The following DENND1B variants were observed in gnomAD, a reference collection of about 807,000 sequenced individuals.
DENND1B encodes DENN domain-containing protein 1B.
In DENND1B, 59 loss-of-function variants were observed where a neutral mutation model predicts 90.1. That is an observed-to-expected ratio of 0.65 (90% confidence interval 0.53 to 0.81). The LOEUF is 0.81. DENND1B is among the 40% of genes least tolerant of loss of function. DENND1B has a pLI of 0.00. For synonymous variants in DENND1B, 337 were observed against 324.6 expected, an observed-to-expected ratio of 1.04 and a Z score of -0.41; for missense variants, 862 against 912.6, an observed-to-expected ratio of 0.94 and a Z score of 0.71.
chr1:197,544,804 A>AGAAGAAGAGGAG (rs1670608218), intron 18 of DENND1B, among the ~76,000 whole-genome samples: 3 of 128,246 alleles, frequency 2.3e-5, no homozygotes, highest in Admixed American at 1.6e-4. Flanking sequence ...AGGAGGAAGA[A>AGAAGAAGAGGAG]GAAGAAGAGG....
chr1:197,661,204 A>G (rs1654373174), intron 5 of DENND1B, among the ~76,000 whole-genome samples: 1 of 152,124 alleles, frequency 6.6e-6, no homozygotes, highest in Non-Finnish European at 1.5e-5. Flanking sequence ...TACTATGTGT[A>G]TCTTCCACTT....
At chr1:197,578,234 T>G (rs561045549) in intron 15 of DENND1B, among the ~76,000 whole-genome samples, 16 of 151,708 alleles carry the variant, frequency 1.1e-4, no homozygotes, top group East Asian at 1.9e-4. Flanking sequence ...GGTTTTTGTT[T>G]TTGTTGTTGT....
chr1:197,544,156 T>C (rs1359447431), intron 18 of DENND1B, among the ~76,000 whole-genome samples: 3 of 152,212 alleles, frequency 2.0e-5, no homozygotes, highest in East Asian at 1.9e-4. Flanking sequence ...AAAATACGTA[T>C]ATAAACATTT....
chr1:197,746,993 G>C, intron 2 of DENND1B: 1 of 956,234 alleles, frequency 1.0e-6, no homozygotes, highest in Non-Finnish European at 1.7e-6. Context: ...CTCTCTTCAA[G>C]GCCTGATTTC....
rs200153419 is a variant in DENND1B, at chr1:197,651,385, A to G, written c.447+850T>C. Among the ~76,000 whole-genome samples, 48 of 152,218 alleles carry G rather than the reference A, an allele frequency of 3.2e-4. No individual in the cohort carries two copies. In the East Asian group the frequency reaches 8.7e-3, roughly 28 times the overall value. On this transcript the variant is annotated intron_variant, in intron 7 of 22. Transcript: ENST00000620048. ...TCGTTAAAAGTTTCAATAGTACAAT[A>G]AATAATCTATCCCATCACAGGCTTG...
chr1:197,747,059 G>C lies in DENND1B; in HGVS notation c.82+25809C>G, dbSNP rs144410872. ...AATCAATCATTGACTCCAAAATACT[G>C]AGTAAGCTCCTTCCACTGGGTTTCA... On this transcript the variant is annotated intron_variant, in intron 2 of 22. Coordinates refer to ENST00000620048, the MANE Select transcript of DENND1B (RefSeq NM_001195215.2). The C allele has an allele frequency of 2.8e-4, 219 of 787,190 alleles. 1 individual carries two copies. The African/African-American group carries it at 3.4e-3, about 12-fold the overall frequency. 48.8% of individuals were successfully genotyped at this position (787,190 alleles called of 1,614,324 possible). A position where few individuals can be genotyped will look rare whatever the true frequency, so the allele number is the denominator to read the frequency against.
intron 2 of DENND1B, among the ~76,000 whole-genome samples, chr1:197,745,111 C>G (rs961579701): frequency 6.6e-6 from 1 of 152,190 alleles, no homozygotes; most frequent in Non-Finnish European, 1.5e-5. Flanking sequence ...TGGTTCCATC[C>G]AGACCACTAA....
At chr1:197,747,899 A>T (rs1048815139) in intron 2 of DENND1B, among the ~76,000 whole-genome samples, 2 of 152,208 alleles carry the variant, frequency 1.3e-5, no homozygotes, top group African/African-American at 4.8e-5. Flanking sequence ...TGTGCCATAG[A>T]TAATAAAGTC....
intron 9 of DENND1B, among the ~76,000 whole-genome samples, chr1:197,645,275 C>A (rs1680631208): frequency 6.6e-6 from 1 of 151,982 alleles, no homozygotes; most frequent in Non-Finnish European, 1.5e-5. Flanking sequence ...AATACTATGT[C>A]AATTTCACTA....
At chr1:197,775,006 ACCCCCAGCCCGCCCGGCCAAC>A in intron 1 of DENND1B, 112 bp downstream of exon 1, 2 of 495,596 alleles carry the variant, frequency 4.0e-6, no homozygotes, top group Non-Finnish European at 6.0e-6. Flanking sequence ...GCCGGACCGC[ACCCCCAGCCCGCCCGGCCAAC>A]CTCGGCCGCC....
chr1:197,648,158 T>C (rs1286112015), intron 7 of DENND1B, among the ~76,000 whole-genome samples: 1 of 152,128 alleles, frequency 6.6e-6, no homozygotes, highest in Admixed American at 6.6e-5. Flanking sequence ...CCATATGAGA[T>C]GAAACTTCAA....
chr1:197,777,336 C>G (rs1035539921), upstream of DENND1B, among the ~76,000 whole-genome samples: 1 of 152,168 alleles, frequency 6.6e-6, no homozygotes, highest in Non-Finnish European at 1.5e-5. Context: ...AATTGTTCTT[C>G]ATTCCATTTA....
At position 197,747,983 on chromosome 1, in the gene DENND1B, C is replaced by T. The variant is rs553155849; in HGVS notation, c.82+24885G>A. 1.0e-3 allele frequency among the ~76,000 whole-genome samples: 156 copies of T among 152,154 alleles called. 1 individual carries two copies. Among genetic ancestry groups the T allele is most frequent in the African/African-American group, 3.4e-3 (141 of 41,494 alleles). ...ACCATAAGAGGCTAACCAGTTAGCA[C>T]GTAAATAGAATAAAATCTCAAACTC... On this transcript the variant is annotated intron_variant, in intron 2 of 22. Transcript: ENST00000620048.
chr1:197,557,014 A>G (rs1671776002), intron 15 of DENND1B, among the ~76,000 whole-genome samples: 1 of 108,474 alleles, frequency 9.2e-6, no homozygotes, highest in African/African-American at 2.8e-5. Context: ...ACTTCTACCC[A>G]GTTTTAAAGG....
At chr1:197,732,078 A>G (rs919221165) in intron 2 of DENND1B, among the ~76,000 whole-genome samples, 2 of 152,214 alleles carry the variant, frequency 1.3e-5, no homozygotes, top group African/African-American at 4.8e-5. Flanking sequence ...ATTAAGCAAA[A>G]TGGTAGGTTA....
intron 2 of DENND1B, among the ~76,000 whole-genome samples, chr1:197,741,815 T>C (rs1041567717): frequency 6.6e-6 from 1 of 152,056 alleles, no homozygotes; most frequent in African/African-American, 2.4e-5. Flanking sequence ...CCCACACCTA[T>C]GGTATGCAGA....
At chr1:197,770,410 G>A (rs74361054) in intron 2 of DENND1B, among the ~76,000 whole-genome samples, 2,303 of 151,912 alleles carry the variant, frequency 0.015, 58 homozygotes, top group African/African-American at 0.053. Flanking sequence ...ATGAAAAGTG[G>A]AAAAGAGCAA....
chr1:197,765,778 A>C (rs1655624946), intron 2 of DENND1B, among the ~76,000 whole-genome samples: 1 of 152,234 alleles, frequency 6.6e-6, no homozygotes, highest in Non-Finnish European at 1.5e-5. Context: ...CCTTAGATTA[A>C]AGCGGCAAAA....
intron 7 of DENND1B, 89 bp downstream of exon 7, chr1:197,652,146 G>T: frequency 1.0e-6 from 1 of 999,000 alleles, no homozygotes; most frequent in Non-Finnish European, 1.5e-6. Context: ...GAGATGACTT[G>T]GTAAAGAATT....
Sources: gnomAD v4.1 joint callset for allele counts (sites outside exome capture counted in the v4.1 genomes callset) on GRCh38, gnomAD v4.1.1 for gene constraint, MANE v1.5 for transcripts, NCBI Gene and HGNC (gene_info 2026-07-23, HGNC 2026-07-21) for gene names.